Variants in TNRC6C observed in about 807,000 individuals in gnomAD.
TNRC6C encodes trinucleotide repeat containing adaptor 6C, also known as trinucleotide repeat-containing gene 6C protein.
Under a neutral mutation model 153.7 loss-of-function variants are expected in TNRC6C, and 20 were observed. That is an observed-to-expected ratio of 0.13 (90% CI 0.09 to 0.19). TNRC6C has a LOEUF of 0.19. Ranked by LOEUF, TNRC6C falls within the 10% of genes least tolerant of loss-of-function variation. The pLI, the probability that TNRC6C is intolerant of heterozygous loss-of-function variation, is 1.00. For missense variants in TNRC6C, 1,987 were observed against 2,172.0 expected, an observed-to-expected ratio of 0.91 and a Z score of 1.69; for synonymous variants, 811 against 841.4, an observed-to-expected ratio of 0.96 and a Z score of 0.63.
At chr17:78,105,052 G>C (rs1461335895) in exon 20 of TNRC6C, 1 of 456,470 alleles carries the variant, frequency 2.2e-6, no homozygotes, top group African/African-American at 2.0e-5. Flanking sequence ...CTAATGACAG[G>C]ATGTTCCTCG....
intron 3 of TNRC6C, 45 bp from the exon 6 acceptor site, chr17:78,064,677 T>G (rs542586239): frequency 1.3e-6 from 2 of 1,577,204 alleles, no homozygotes; most frequent in South Asian, 2.2e-5. Flanking sequence ...TGCTTTTCTC[T>G]GATGCACTTT....
intron 2 of TNRC6C, among the ~76,000 whole-genome samples, chr17:78,036,254 G>C (rs1448045001): frequency 6.6e-6 from 1 of 152,200 alleles, no homozygotes; most frequent in Non-Finnish European, 1.5e-5. Context: ...AGTGTGCTTA[G>C]CGAAAACTAA....
rs762507955 is a variant in TNRC6C, at chr17:78,059,846, C to CAA, written c.2396-4860_2396-4859dup. On this transcript the variant is annotated intron_variant, in intron 3 of 19. Coordinates refer to ENST00000301624, the Ensembl canonical transcript of TNRC6C. ...TCCTGGACAACAGGAGACCCTGTCT[C>CAA]AAAAAAAAAAAAAAAAAGAAAAAGA... Among the ~76,000 whole-genome samples the CAA allele has an allele frequency of 8.1e-4, 63 of 77,706 alleles. 2 individuals are homozygous for CAA. Among genetic ancestry groups the CAA allele is most frequent in the African/African-American group, 2.6e-3 (59 of 22,732 alleles). 51.0% of individuals were successfully genotyped at this position (77,706 alleles called of 152,430 possible).
At chr17:77,998,607 C>T (rs984467937) in intron 1 of TNRC6C, among the ~76,000 whole-genome samples, 1 of 152,168 alleles carries the variant, frequency 6.6e-6, no homozygotes, top group African/African-American at 2.4e-5. Context: ...TTCTCTTGAG[C>T]CTATCCAATG....
intron 1 of TNRC6C, among the ~76,000 whole-genome samples, chr17:77,962,519 G>T (rs1233121830): frequency 6.6e-6 from 1 of 152,204 alleles, no homozygotes; most frequent in Non-Finnish European, 1.5e-5. Flanking sequence ...GGTGGAGAAG[G>T]CACAAGAAAT....
At chr17:78,051,076 C>A in exon 3 of TNRC6C, 1 of 1,604,820 alleles carries the variant, frequency 6.2e-7, no homozygotes, top group East Asian at 2.2e-5. Context: ...TAGCAAACCC[C>A]AAGACAACAA....
At chr17:77,971,960 A>G (rs938439329) in intron 1 of TNRC6C, among the ~76,000 whole-genome samples, 4 of 151,970 alleles carry the variant, frequency 2.6e-5, no homozygotes, top group African/African-American at 9.7e-5. Context: ...TTAAATATGT[A>G]TTAGAAAAGG....
intron 1 of TNRC6C, among the ~76,000 whole-genome samples, chr17:78,030,321 T>TGTGC (rs1313847503): frequency 7.3e-6 from 1 of 137,878 alleles, no homozygotes; most frequent in Non-Finnish European, 1.6e-5. Context: ...GGCTTGTGTG[T>TGTGC]GTGCGTGTGT....
intron 3 of TNRC6C, among the ~76,000 whole-genome samples, chr17:78,063,152 A>G (rs993732213): frequency 2.0e-5 from 3 of 151,830 alleles, no homozygotes; most frequent in Admixed American, 2.0e-4. Flanking sequence ...AGACTGAGGC[A>G]TGAGAACCCC....
chr17:77,959,082 C>T (rs1460189477), upstream of TNRC6C, among the ~76,000 whole-genome samples: 4 of 143,368 alleles, frequency 2.8e-5, no homozygotes, highest in Non-Finnish European at 6.2e-5. Context: ...CCCACTCGCC[C>T]GCGCCGCCGC....
At chr17:78,066,040 G>A (rs899956224) in intron 4 of TNRC6C, among the ~76,000 whole-genome samples, 1 of 152,128 alleles carries the variant, frequency 6.6e-6, no homozygotes, top group Non-Finnish European at 1.5e-5. Context: ...AAACCAGCCT[G>A]GCCAACAAGG....
At chr17:78,001,510 C>T (rs1386754854), upstream of TNRC6C, among the ~76,000 whole-genome samples, 3 of 152,100 alleles carry the variant, frequency 2.0e-5, no homozygotes, top group Non-Finnish European at 4.4e-5. Context: ...AATATGATAA[C>T]ATTCACACCA....
intron 11 of TNRC6C, among the ~76,000 whole-genome samples, chr17:78,084,603 TTTTTTC>T (rs905792897): frequency 6.7e-6 from 1 of 150,204 alleles, no homozygotes; most frequent in African/African-American, 2.4e-5. Context: ...TCAGAGACTG[TTTTTTC>T]TTTTTCTTTT....
At chr17:78,102,750 C>T (rs911130061) in intron 18 of TNRC6C, 5 of 538,358 alleles carry the variant, frequency 9.3e-6, no homozygotes, top group African/African-American at 7.8e-5. Flanking sequence ...CCTCTTTTAA[C>T]CATGTTCCTG....
chr17:78,055,831 T>A (rs1183699108), intron 3 of TNRC6C, among the ~76,000 whole-genome samples: 6 of 152,142 alleles, frequency 3.9e-5, no homozygotes, highest in African/African-American at 1.4e-4. Flanking sequence ...ATTTTACAAA[T>A]GAGACCTAGG....
Position 78,104,933 on chromosome 17 carries a change from GC to G in TNRC6C, c.*89del. On this transcript the variant is annotated 3_prime_UTR_variant, in exon 20 of 20. Transcript: ENST00000301624. This position sits in a 1 kb window ranked among gnomAD's most constrained non-coding sequence, Gnocchi z 6.2. Reference sequence around the variant, plus strand: ...CCCACAGACCCGCTGGAACCCAGCAGCGGCCGCCCTTTTGAGTACCTCTGTC... The same window carrying G: ...CCCACAGACCCGCTGGAACCCAGCAGGGCCGCCCTTTTGAGTACCTCTGTC... The G allele has an allele frequency of 7.3e-7, 1 of 1,368,432 alleles. No individual in the cohort carries two copies. The highest frequency in any genetic ancestry group is 9.4e-7 in the Non-Finnish European group (1 of 1,065,840). The allele number at this position is 1,368,432 out of a possible 1,614,324, so 84.8% of individuals were successfully genotyped here.
chr17:78,080,672 G>C (rs1395883192), intron 10 of TNRC6C, among the ~76,000 whole-genome samples: 1 of 152,024 alleles, frequency 6.6e-6, no homozygotes, highest in Non-Finnish European at 1.5e-5. Flanking sequence ...TCTTTGCTGC[G>C]TGGGGTAACT....
chr17:78,039,641 G>A (rs1181510876), intron 2 of TNRC6C, among the ~76,000 whole-genome samples: 1 of 152,220 alleles, frequency 6.6e-6, no homozygotes, highest in Non-Finnish European at 1.5e-5. Flanking sequence ...TTAATGCTGT[G>A]GCTGTTGTCA....
chr17:78,005,748 T>G (rs1471615480), intron 1 of TNRC6C, among the ~76,000 whole-genome samples: 1 of 152,214 alleles, frequency 6.6e-6, no homozygotes, highest in Non-Finnish European at 1.5e-5. Context: ...TGGGACAAGT[T>G]ACTTCACTTC....
Sources: gnomAD v4.1 joint callset for allele counts (sites outside exome capture counted in the v4.1 genomes callset) on GRCh38, gnomAD v4.1.1 for gene constraint, Gnocchi (gnomAD v3.1) non-coding constraint, MANE v1.5 for transcripts, NCBI Gene and HGNC (gene_info 2026-07-23, HGNC 2026-07-21) for gene names.